Variants in PTPN18 observed in about 807,000 individuals in gnomAD.
PTPN18 encodes protein tyrosine phosphatase non-receptor type 18.
Under a neutral mutation model 65.4 loss-of-function variants are expected in PTPN18, and 65 were observed. That is an observed-to-expected ratio of 0.99 (90% CI 0.81 to 1.22). The LOEUF (loss-of-function observed/expected upper bound fraction) is 1.22, where lower values mean the gene tolerates loss of function less well. Ranked by LOEUF, PTPN18 falls within the 50% of genes most tolerant of loss-of-function variation. PTPN18 has a pLI of 0.00. For synonymous variants in PTPN18, 255 were observed against 267.8 expected (o/e 0.95, Z 0.47); for missense variants, 616 against 646.5 (o/e 0.95, Z 0.51).
At chr2:130,367,641 G>A (rs756298210) in intron 5 of PTPN18, among the ~76,000 whole-genome samples, 4 of 152,066 alleles carry the variant, frequency 2.6e-5, no homozygotes, top group African/African-American at 4.8e-5. Flanking sequence ...GCCACTGCAC[G>A]CCAAGCCTGG....
chr2:130,361,557 T>TCTTTCTTTCTTTCTTTCTTTCTTC (rs1553458555), intron 5 of PTPN18, among the ~76,000 whole-genome samples: 6 of 78,504 alleles, frequency 7.6e-5, no homozygotes, highest in African/African-American at 2.6e-4. Flanking sequence ...TTTCTTTCTT[T>TCTTTCTTTCTTTCTTTCTTTCTTC]CTTTCTTTCC....
At chr2:130,367,616 G>A (rs1422430228) in intron 5 of PTPN18, among the ~76,000 whole-genome samples, 2 of 152,170 alleles carry the variant, frequency 1.3e-5, no homozygotes, top group African/African-American at 2.4e-5. Context: ...GCAGGTTGCA[G>A]TGAGCCGAGA....
chr2:130,359,370 C>T (rs1680111940), intron 3 of PTPN18, 27 bp from the exon 4 acceptor site: 1 of 1,614,118 alleles, frequency 6.2e-7, no homozygotes. Flanking sequence ...GCCGCAGAAT[C>T]TCAGTCGTGA....
At chr2:130,372,028 ACT>A in intron 12 of PTPN18, 2 of 516,138 alleles carry the variant, frequency 3.9e-6, no homozygotes, top group South Asian at 2.4e-5. Context: ...TCAAACCAAC[ACT>A]CTGCCCCAAA....
rs1254090907 is a variant in PTPN18 at position 130,358,992 on chromosome 2, G to A, written c.202+17G>A. On this transcript the variant is annotated intron_variant, in intron 2 of 14. Transcript: ENST00000175756. ...TGCTGCCTTGTAAGTCGGGGCTTCC[G>A]TAGGGAGTCGGTGCAGCCTTGCACG... 5 of 1,612,336 alleles carry A rather than the reference G, an allele frequency of 3.1e-6. No individual in the cohort carries two copies. Among genetic ancestry groups the A allele is most frequent in the African/African-American group, 1.3e-5 (1 of 74,928 alleles).
chr2:130,372,398 G>C lies in PTPN18; in HGVS notation c.1155G>C (p.Glu385Asp). The change falls in exon 13 of 15, where the codon GAG becomes GAC. Residue 385 changes from glutamate (E) to aspartate (D), a missense_variant. Glu to Asp is a conservative substitution (Grantham distance 45). This residue lies in a region of PTPN18 where 368 missense variants were observed against 386.7 expected (regional missense o/e 0.95). Coordinates refer to ENST00000175756, the MANE Select transcript of PTPN18 (RefSeq NM_014369.4). ...GTGTGARSAE[E>D]APLYSKVTPR... ...GGACGGGGGCGCGCAGCGCGGAGGA[G>C]GCGCCGCTCTACAGCAAGGTGACGC... is the stretch of plus-strand genomic sequence containing the variant. The C allele has an allele frequency of 7.3e-7, 1 of 1,366,106 alleles. No homozygotes were observed. The highest frequency in any genetic ancestry group is 9.4e-7 in the Non-Finnish European group (1 of 1,065,310). The allele number at this position is 1,366,106 out of a possible 1,614,324, so 84.6% of individuals were successfully genotyped here.
chr2:130,372,519 C>G, intron 13 of PTPN18, 36 bp downstream of exon 13: 2 of 1,402,116 alleles, frequency 1.4e-6, no homozygotes, highest in Non-Finnish European at 1.8e-6. Flanking sequence ...GGGCATCATC[C>G]TGCTGTGATC....
intron 5 of PTPN18, among the ~76,000 whole-genome samples, chr2:130,363,108 C>T (rs1399866524): frequency 6.6e-6 from 1 of 151,006 alleles, no homozygotes; most frequent in East Asian, 2.0e-4. Flanking sequence ...CATGAGCCAC[C>T]GTGCCCGGCC....
rs540135273 is a variant in PTPN18, at chr2:130,375,061, G to A, written c.*1837G>A. Reference sequence around the variant, plus strand: ...CCTACTCCCACTCTAGAGCTGCCCCGTTTCTCTGTTTTCGTGAAAGAGCTG... The same window carrying A: ...CCTACTCCCACTCTAGAGCTGCCCCATTTCTCTGTTTTCGTGAAAGAGCTG... On this transcript the variant is annotated 3_prime_UTR_variant, in exon 15 of 15. Transcript: ENST00000175756. 112 of 195,754 alleles carry A rather than the reference G, an allele frequency of 5.7e-4. 1 individual carries two copies. The highest frequency in any genetic ancestry group is 4.7e-3 in the Admixed American group (85 of 18,170). 12.1% of individuals were successfully genotyped at this position (195,754 alleles called of 1,614,324 possible). A position where few individuals can be genotyped will look rare whatever the true frequency, so the allele number is the denominator to read the frequency against.
chr2:130,372,903 G>C lies in PTPN18; in HGVS notation c.1271G>C (p.Gly424Ala). The C allele has an allele frequency of 6.2e-7, 1 of 1,614,206 alleles. No homozygotes were observed. Among genetic ancestry groups the C allele is most frequent in the Non-Finnish European group, 8.5e-7 (1 of 1,180,014 alleles). Residue 424 changes from glycine (G) to alanine (A), a missense_variant, in exon 14 of 15, where the codon GGC becomes GCC. Coordinates refer to ENST00000175756, the MANE Select transcript of PTPN18 (RefSeq NM_014369.4). The part of the protein sequence containing the change: ...VPADQSPAGS[G>A]AYEDVAGGAQ... Reference sequence around the variant, plus strand: ...GCTGACCAAAGTCCTGCCGGATCTGGCGCCTACGAGGACGTGGCGGGTGGA... The same window carrying C: ...GCTGACCAAAGTCCTGCCGGATCTGCCGCCTACGAGGACGTGGCGGGTGGA...
At chr2:130,365,945 G>A (rs904123951) in intron 5 of PTPN18, among the ~76,000 whole-genome samples, 1 of 152,230 alleles carries the variant, frequency 6.6e-6, no homozygotes, top group African/African-American at 2.4e-5. Context: ...CCTTGTGCCA[G>A]TGTAACATAG....
rs1248587041 is a variant in PTPN18, at chr2:130,372,930, C to T, written c.1298C>T (p.Ala433Val). Residue 433 changes from alanine to valine, a missense_variant, in exon 14 of 15, where the codon GCT becomes GTT. Ala to Val is a moderately conservative substitution (Grantham distance 64). Coordinates refer to ENST00000175756, the MANE Select transcript of PTPN18 (RefSeq NM_014369.4). ...GCCTACGAGGACGTGGCGGGTGGAG[C>T]TCAGACCGGTGGGCTAGGTAAGTCA... ...SGAYEDVAGGAQTGGLGFNLR... is the reference protein window; with the variant it reads ...SGAYEDVAGGVQTGGLGFNLR... 3 of 1,614,082 alleles carry T rather than the reference C, an allele frequency of 1.9e-6. No individual in the cohort carries two copies. The highest frequency in any genetic ancestry group is 2.7e-5 in the African/African-American group (2 of 75,062).
chr2:130,370,987 C>G (rs764089653), intron 11 of PTPN18, 23 bp downstream of exon 11: 2 of 1,605,384 alleles, frequency 1.2e-6, no homozygotes, highest in African/African-American at 2.7e-5. Context: ...CTTTCCCACT[C>G]TCCTGTCCAC....
Position 130,373,063 on chromosome 2 carries a change from G to A in PTPN18, c.1316-94G>A. Reference sequence around the variant, plus strand: ...TGGATGTGGCTGCAGTGAACCAGGAGGACCTGGAGGCGGGGGGATGGCCTT... The same window carrying A: ...TGGATGTGGCTGCAGTGAACCAGGAAGACCTGGAGGCGGGGGGATGGCCTT... On this transcript the variant is annotated intron_variant, in intron 14 of 14. Coordinates refer to ENST00000175756, the MANE Select transcript of PTPN18 (RefSeq NM_014369.4). The surrounding 1 kb of genome is among the most constrained non-coding windows in gnomAD (Gnocchi z 4.1). 3 of 1,540,484 alleles carry A rather than the reference G, an allele frequency of 1.9e-6. No homozygotes were observed. Among genetic ancestry groups the A allele is most frequent in the Admixed American group, 1.8e-5 (1 of 56,564 alleles).
At chr2:130,363,956 T>A (rs1680307837) in intron 5 of PTPN18, among the ~76,000 whole-genome samples, 1 of 152,132 alleles carries the variant, frequency 6.6e-6, no homozygotes, top group Non-Finnish European at 1.5e-5. Context: ...TTTTTTTTTT[T>A]TTTAATTATA....
At chr2:130,363,478 C>A (rs1297526205) in intron 5 of PTPN18, among the ~76,000 whole-genome samples, 1 of 152,006 alleles carries the variant, frequency 6.6e-6, no homozygotes, top group East Asian at 1.9e-4. Flanking sequence ...AATCCTATAT[C>A]CATTAGCAGT....
At chr2:130,361,037 A>G (rs72854962) in intron 5 of PTPN18, among the ~76,000 whole-genome samples, 25,142 of 152,170 alleles carry the variant, frequency 0.17, 2,244 homozygotes, top group Non-Finnish European at 0.2. Flanking sequence ...CTTGAAAACA[A>G]TGTGTATTCT....
rs527795489 is a variant in PTPN18, at chr2:130,369,145, C to CCCAGAAAA, written c.427_428insCCAGAAAA (p.Arg143ProfsTer22). On this transcript the variant is annotated frameshift_variant, in exon 6 of 15. Coordinates refer to ENST00000175756, the MANE Select transcript of PTPN18 (RefSeq NM_014369.4). LOFTEE classifies it high-confidence loss of function. ...TTACCTTTTGCAGAAAAGGTGTGAG[C>CCCAGAAAA]GGTACTGGGCCCAGGAGCAGGAGCC... 1.0e-4 allele frequency: 161 copies of CCCAGAAAA among 1,612,122 alleles called. 1 individual carries two copies. In the South Asian group the frequency reaches 1.6e-3, roughly 17 times the overall value.
Position 130,374,777 on chromosome 2 carries a change from C to T in PTPN18, c.*1553C>T, listed in dbSNP as rs1680692612. On this transcript the variant is annotated 3_prime_UTR_variant, in exon 15 of 15. Coordinates refer to ENST00000175756, the MANE Select transcript of PTPN18 (RefSeq NM_014369.4). ...CTGCCCTTCTCTGGGATAGGGCTGG[C>T]CTTCCTCTGCCTCTGCCTGGCTGCA... 4.4e-6 allele frequency: 2 copies of T among 451,388 alleles called. No individual in the cohort carries two copies. Among genetic ancestry groups the T allele is most frequent in the Non-Finnish European group, 9.1e-6 (2 of 219,910 alleles). The allele number at this position is 451,388 out of a possible 1,614,324, so 28.0% of individuals were successfully genotyped here. A position where few individuals can be genotyped will look rare whatever the true frequency, so the allele number is the denominator to read the frequency against.
Sources: gnomAD v4.1 joint callset for allele counts (sites outside exome capture counted in the v4.1 genomes callset) on GRCh38, gnomAD v4.1.1 for gene constraint, gnomAD v4.1.1 regional missense constraint, Gnocchi (gnomAD v3.1) non-coding constraint, MANE v1.5 for transcripts, NCBI Gene and HGNC (gene_info 2026-07-23, HGNC 2026-07-21) for gene names.